Variants in ANGPTL6 observed in about 807,000 individuals in gnomAD.
ANGPTL6 encodes angiopoietin-related protein 6.
A neutral mutation model predicts 47.4 loss-of-function variants in ANGPTL6; 45 were observed. The observed-to-expected ratio is 0.95, with a 90% CI of 0.75 to 1.22. ANGPTL6 has a LOEUF of 1.22. ANGPTL6 is among the 50% of genes most tolerant of loss of function. The pLI, the probability that ANGPTL6 is intolerant of heterozygous loss-of-function variation, is 0.00. For missense variants in ANGPTL6, 698 were observed against 669.4 expected (o/e 1.04, Z -0.47); for synonymous variants, 290 against 295.9 (o/e 0.98, Z 0.20).
At chr19:10,097,581 C>T (rs1465495723) in intron 1 of ANGPTL6, among the ~76,000 whole-genome samples, 4 of 152,034 alleles carry the variant, frequency 2.6e-5, no homozygotes, top group African/African-American at 7.2e-5. Context: ...GGGCCAGGCG[C>T]GGTGGCTCAC....
In ANGPTL6 at chr19:10,096,570, G is replaced by A. The variant is rs1391052336; in HGVS notation, c.-7C>T. ...GCAGCCAGGGCTTCCCCATCGCGGCGGACCTGCAGGCAGAGGAGGAACGGA... is the reference window on the plus strand; with the variant it reads ...GCAGCCAGGGCTTCCCCATCGCGGCAGACCTGCAGGCAGAGGAGGAACGGA... On this transcript the variant is annotated 5_prime_UTR_variant, in exon 2 of 6. Transcript: ENST00000253109. 3 of 1,496,714 alleles carry A rather than the reference G, an allele frequency of 2.0e-6. No homozygotes were observed. Among genetic ancestry groups the A allele is most frequent in the African/African-American group, 1.4e-5 (1 of 69,110 alleles). 92.7% of individuals were successfully genotyped at this position (1,496,714 alleles called of 1,614,324 possible). A position where few individuals can be genotyped will look rare whatever the true frequency, so the allele number is the denominator to read the frequency against.
At chr19:10,106,094 C>A, upstream of ANGPTL6, 1 of 540,240 alleles carries the variant, frequency 1.9e-6, no homozygotes, top group Non-Finnish European at 3.3e-6. Flanking sequence ...TTAGGAGCCT[C>A]GGAATGCAGA....
upstream of ANGPTL6, among the ~76,000 whole-genome samples, chr19:10,104,412 T>C (rs557144771): frequency 5.9e-5 from 9 of 152,152 alleles, no homozygotes; most frequent in South Asian, 1.9e-3. Context: ...TTTAATTAAC[T>C]ATTCATGATT....
chr19:10,094,819 C>G lies in ANGPTL6; in HGVS notation c.702G>C (p.Gln234His). Residue 234 changes from glutamine (Q) to histidine (H), a missense_variant, in exon 3 of 6, where the codon CAG becomes CAC. Physicochemically the swap from Gln to His is conservative, Grantham distance 24 (BLOSUM62 0). Transcript: ENST00000253109. ...GCATGGGAGAAGCCATGGGCTCCTG[C>G]TGTCTCTGGGTCTGGTCTCTCTGGG... is the stretch of plus-strand genomic sequence containing the variant. The part of the protein sequence containing the change: ...PEPQRDQTQR[Q>H]QEPMASPMPA... 6.2e-7 allele frequency: 1 copy of G among 1,614,228 alleles called. No homozygotes were observed. The highest frequency in any genetic ancestry group is 8.5e-7 in the Non-Finnish European group (1 of 1,180,046).
Position 10,094,747 on chromosome 19 carries a change from T to C in ANGPTL6, c.763+11A>G, listed in dbSNP as rs969441635. ...TCTACCCACAATTCCTCAGCCCTAA[T>C]GTCGACTTACCCACAGGCTTGGTGG... On this transcript the variant is annotated intron_variant, in intron 3 of 5. Coordinates refer to ENST00000253109, the MANE Select transcript of ANGPTL6 (RefSeq NM_031917.3). 1 of 1,614,160 alleles carries C rather than the reference T, an allele frequency of 6.2e-7. No individual in the cohort carries two copies. Among genetic ancestry groups the C allele is most frequent in the Non-Finnish European group, 8.5e-7 (1 of 1,180,012 alleles).
At chr19:10,094,982 G>A (rs766738518) in intron 2 of ANGPTL6, 44 bp from the exon 3 acceptor site, 2 of 1,527,880 alleles carry the variant, frequency 1.3e-6, no homozygotes, top group Non-Finnish European at 1.8e-6. Context: ...CTAACCCTCA[G>A]GCCAGGAGGC....
chr19:10,096,833 C>A (rs548390559), intron 1 of ANGPTL6, among the ~76,000 whole-genome samples: 1 of 152,272 alleles, frequency 6.6e-6, no homozygotes, highest in South Asian at 2.1e-4. Flanking sequence ...GTAGCTCACG[C>A]CTGCAAGCTC....
At chr19:10,103,621 AAAT>A (rs199524328), upstream of ANGPTL6, among the ~76,000 whole-genome samples, 21,057 of 59,932 alleles carry the variant, frequency 0.35, 2,505 homozygotes, top group African/African-American at 0.53. Flanking sequence ...ATAAATAAAT[AAAT>A]AATAAATAAA....
intron 1 of ANGPTL6, among the ~76,000 whole-genome samples, chr19:10,096,955 CAGACG>C (rs954187448): frequency 2.1e-5 from 3 of 143,960 alleles, no homozygotes; most frequent in African/African-American, 5.2e-5. Flanking sequence ...AAAAATTAGA[CAGACG>C]TGGTGGTGCA....
At chr19:10,102,254 ACT>A (rs1041017675) in intron 1 of ANGPTL6, among the ~76,000 whole-genome samples, 2 of 151,228 alleles carry the variant, frequency 1.3e-5, no homozygotes, top group Admixed American at 1.3e-4. Flanking sequence ...CTTGGGTTTT[ACT>A]CTGAGTCAGG....
At position 10,092,409 on chromosome 19, in the gene ANGPTL6, G is replaced by A. The variant is rs148101087; in HGVS notation, c.*180C>T. 2 of 1,519,062 alleles carry A rather than the reference G, an allele frequency of 1.3e-6. No individual in the cohort carries two copies. The highest frequency in any genetic ancestry group is 2.4e-5 in the East Asian group (1 of 41,186). 94.1% of individuals were successfully genotyped at this position (1,519,062 alleles called of 1,614,324 possible). A position where few individuals can be genotyped will look rare whatever the true frequency, so the allele number is the denominator to read the frequency against. On this transcript the variant is annotated 3_prime_UTR_variant, in exon 6 of 6. Transcript: ENST00000253109. ...TGAATGACCTTGGGGAGCCATCTGA[G>A]GCCAAGATATTGACGGGGGGGATTC...
chr19:10,096,517 C>G lies in ANGPTL6; in HGVS notation c.47G>C (p.Gly16Ala), dbSNP rs926529923. The G allele has an allele frequency of 5.3e-6, 8 of 1,514,294 alleles. No individual in the cohort carries two copies. Among genetic ancestry groups the G allele is most frequent in the Middle Eastern group, 1.9e-4 (1 of 5,356 alleles). 93.8% of individuals were successfully genotyped at this position (1,514,294 alleles called of 1,614,324 possible). A position where few individuals can be genotyped will look rare whatever the true frequency, so the allele number is the denominator to read the frequency against. ...GGCGCCCGCCCGCGCCCACGACGCG[C>G]CCAGCAGGAGCAGCAGCTGTAGCGC... is the stretch of plus-strand genomic sequence containing the variant. Reference protein sequence around the residue: ...LRALQLLLLLGASWARAGAPR... With the variant: ...LRALQLLLLLAASWARAGAPR... The change falls in exon 2 of 6, where the codon GGC becomes GCC. Residue 16 changes from glycine (G) to alanine (A), a missense_variant. Coordinates refer to ENST00000253109, the MANE Select transcript of ANGPTL6 (RefSeq NM_031917.3).
At chr19:10,103,896 C>G (rs766745636), upstream of ANGPTL6, among the ~76,000 whole-genome samples, 13 of 151,126 alleles carry the variant, frequency 8.6e-5, 1 homozygote, top group South Asian at 1.9e-3. Context: ...AATTCGAGAC[C>G]AGCCTGGCCA....
chr19:10,104,095 A>AAG (rs2088756212), upstream of ANGPTL6, among the ~76,000 whole-genome samples: 1 of 151,480 alleles, frequency 6.6e-6, no homozygotes, highest in South Asian at 2.1e-4. Context: ...AAAAAAAAAA[A>AAG]AAAAAAGAAA....
upstream of ANGPTL6, among the ~76,000 whole-genome samples, chr19:10,103,598 A>G (rs919486042): frequency 3.0e-5 from 1 of 32,896 alleles, no homozygotes; most frequent in Non-Finnish European, 5.3e-5. Context: ...CCATCTCAAA[A>G]ATAAATAAAT....
chr19:10,093,197 G>C (rs2088437898), intron 5 of ANGPTL6, 152 bp downstream of exon 5: 4 of 1,091,282 alleles, frequency 3.7e-6, no homozygotes, highest in Non-Finnish European at 5.3e-6. Flanking sequence ...CAGGATAAAA[G>C]TCCTGACCTT....
At chr19:10,105,223 TG>T (rs1411292733), upstream of ANGPTL6, among the ~76,000 whole-genome samples, 4 of 152,266 alleles carry the variant, frequency 2.6e-5, no homozygotes, top group African/African-American at 9.6e-5. Flanking sequence ...GGGCCTGGGT[TG>T]GGGCCCCCAC....
At chr19:10,094,482 TC>T in intron 3 of ANGPTL6, 1 of 451,318 alleles carries the variant, frequency 2.2e-6, no homozygotes. Flanking sequence ...TTTTATGGTC[TC>T]CTCACCATAA....
chr19:10,103,267 C>G (rs570368625), upstream of ANGPTL6, among the ~76,000 whole-genome samples: 1 of 151,760 alleles, frequency 6.6e-6, no homozygotes, highest in African/African-American at 2.4e-5. Context: ...CAAACACACA[C>G]ACACACATTT....
Sources: gnomAD v4.1 joint callset for allele counts (sites outside exome capture counted in the v4.1 genomes callset) on GRCh38, gnomAD v4.1.1 for gene constraint, MANE v1.5 for transcripts, NCBI Gene and HGNC (gene_info 2026-07-23, HGNC 2026-07-21) for gene names.